SGIP1: variants seen among roughly 807,000 people sequenced by gnomAD.
The protein encoded by SGIP1 is SH3GL interacting endocytic adaptor 1.
SGIP1 carries 38 observed loss-of-function variants against 107.5 expected under a neutral mutation model. The observed-to-expected ratio is 0.35, with a 90% CI of 0.27 to 0.46. The LOEUF (loss-of-function observed/expected upper bound fraction) is 0.46. SGIP1 is among the 20% of genes least tolerant of loss of function. The probability of loss-of-function intolerance (pLI) is 1.00; values close to 1 mark genes in which losing one functional copy is unlikely to be tolerated. For missense variants in SGIP1, 929 were observed against 1,019.5 expected, an observed-to-expected ratio of 0.91 and a Z score of 1.21; for synonymous variants, 365 against 366.1, an observed-to-expected ratio of 1.00 and a Z score of 0.03.
intron 1 of SGIP1, among the ~76,000 whole-genome samples, chr1:66,541,549 C>A (rs916551983): frequency 6.6e-6 from 1 of 152,184 alleles, no homozygotes. Flanking sequence ...GATGTAAATG[C>A]CATGAAAGTG....
chr1:66,653,986 G>T (rs148342099), intron 7 of SGIP1, among the ~76,000 whole-genome samples: 160 of 152,268 alleles, frequency 1.1e-3, no homozygotes, highest in Non-Finnish European at 2.0e-3. Flanking sequence ...AACAAATCTT[G>T]CACCCAGAGC....
At chr1:66,607,489 A>G (rs1048264925) in intron 1 of SGIP1, among the ~76,000 whole-genome samples, 5 of 152,224 alleles carry the variant, frequency 3.3e-5, no homozygotes, top group African/African-American at 1.2e-4. Context: ...CTGGAAATTG[A>G]TGGCTGAAAG....
At chr1:66,703,874 CTGTGTG>C (rs535613429) in intron 18 of SGIP1, among the ~76,000 whole-genome samples, 2 of 142,058 alleles carry the variant, frequency 1.4e-5, no homozygotes, top group Non-Finnish European at 3.1e-5. Context: ...AAAAAGAACT[CTGTGTG>C]TGTGTGTGTG....
intron 5 of SGIP1, among the ~76,000 whole-genome samples, chr1:66,642,029 C>T (rs2076884363): frequency 6.6e-6 from 1 of 152,190 alleles, no homozygotes; most frequent in Non-Finnish European, 1.5e-5. Context: ...GTTTTTCTTT[C>T]TCCAGTTCTT....
chr1:66,687,261 A>G (rs538949424), intron 15 of SGIP1, among the ~76,000 whole-genome samples: 2 of 151,686 alleles, frequency 1.3e-5, no homozygotes, highest in Non-Finnish European at 2.9e-5. Flanking sequence ...CATGGTTTTC[A>G]CGAAGCTAAA....
In SGIP1 at chr1:66,746,416, A is replaced by G. The variant is rs1029267819; in HGVS notation, c.*3321A>G. 6.6e-6 allele frequency: 1 copy of G among 152,294 alleles called. No homozygotes were observed. The highest frequency in any genetic ancestry group is 1.9e-4 in the East Asian group (1 of 5,194). 9.4% of individuals were successfully genotyped at this position (152,294 alleles called of 1,614,324 possible). A position where few individuals can be genotyped will look rare whatever the true frequency, so the allele number is the denominator to read the frequency against. On this transcript the variant is annotated 3_prime_UTR_variant, in exon 25 of 25. Coordinates refer to ENST00000371037, the MANE Select transcript of SGIP1 (RefSeq NM_032291.4). ...CTCCCCAGAGCATGGTTTAAATACC[A>G]TAACAGTACACAATGATCTATCATG...
intron 1 of SGIP1, among the ~76,000 whole-genome samples, chr1:66,544,846 G>A (rs186613818): frequency 6.6e-6 from 1 of 152,244 alleles, no homozygotes; most frequent in Admixed American, 6.5e-5. Flanking sequence ...CTCTAAGCCC[G>A]ATTGTAGGTA....
At chr1:66,541,565 C>T (rs1359974286) in intron 1 of SGIP1, among the ~76,000 whole-genome samples, 2 of 152,200 alleles carry the variant, frequency 1.3e-5, no homozygotes, top group Admixed American at 6.5e-5. Context: ...AAGTGTCATT[C>T]CAGGATCAAA....
At chr1:66,584,021 A>T (rs1485092140) in intron 1 of SGIP1, among the ~76,000 whole-genome samples, 1 of 152,126 alleles carries the variant, frequency 6.6e-6, no homozygotes, top group Non-Finnish European at 1.5e-5. Context: ...TTTGAGGTAA[A>T]TTAGTAAGTA....
chr1:66,737,909 T>C (rs762992655), intron 21 of SGIP1, among the ~76,000 whole-genome samples: 6 of 152,156 alleles, frequency 3.9e-5, no homozygotes, highest in Non-Finnish European at 7.3e-5. Flanking sequence ...GTTTAGTTTC[T>C]GGCCCGATAG....
intron 1 of SGIP1, among the ~76,000 whole-genome samples, chr1:66,549,241 C>G (rs1253267652): frequency 6.8e-6 from 1 of 146,426 alleles, no homozygotes; most frequent in African/African-American, 2.5e-5. Flanking sequence ...CTTTTTTCTT[C>G]TTTTTTCCTT....
chr1:66,621,636 T>A (rs2071158283), intron 1 of SGIP1, among the ~76,000 whole-genome samples: 2 of 152,210 alleles, frequency 1.3e-5, no homozygotes, highest in African/African-American at 2.4e-5. Context: ...CAACCTCCAA[T>A]CTGCTTTCTG....
intron 18 of SGIP1, among the ~76,000 whole-genome samples, chr1:66,699,225 ATCATGG>A (rs1044645596): frequency 2.9e-4 from 44 of 152,154 alleles, no homozygotes; most frequent in African/African-American, 1.0e-3. Context: ...TGGATCGTTC[ATCATGG>A]GACTAGGAGG....
At chr1:66,708,270 A>AGCG (rs560105565) in intron 18 of SGIP1, among the ~76,000 whole-genome samples, 318 of 152,320 alleles carry the variant, frequency 2.1e-3, no homozygotes, top group African/African-American at 7.2e-3. Flanking sequence ...TGTTTAGCAC[A>AGCG]GCGGCCATCG....
rs115321878 is a variant in SGIP1, at chr1:66,634,979, C to T, written c.100-965C>T. 6.9e-3 allele frequency among the ~76,000 whole-genome samples: 1,050 copies of T among 152,340 alleles called. 18 individuals carry two copies. The highest frequency in any genetic ancestry group is 0.024 in the African/African-American group (980 of 41,578). On this transcript the variant is annotated intron_variant, in intron 3 of 24. Transcript: ENST00000371037. Reference sequence around the variant, plus strand: ...AGCCCTTGTTTCTATAGACCCAGTTCACTTTTGCTTGGCTGATATAGCTTT... The same window carrying T: ...AGCCCTTGTTTCTATAGACCCAGTTTACTTTTGCTTGGCTGATATAGCTTT...
At chr1:66,591,856 A>T (rs1401531372) in intron 1 of SGIP1, among the ~76,000 whole-genome samples, 1 of 152,194 alleles carries the variant, frequency 6.6e-6, no homozygotes, top group Non-Finnish European at 1.5e-5. Context: ...GTCATAAGTA[A>T]GTTTAAGGAA....
At chr1:66,641,871 C>T (rs186714376) in intron 5 of SGIP1, among the ~76,000 whole-genome samples, 259 of 152,232 alleles carry the variant, frequency 1.7e-3, no homozygotes, top group Non-Finnish European at 3.3e-3. Flanking sequence ...TTAACCTTCC[C>T]TCTGCTTTTT....
At chr1:66,740,845 G>A (rs531966457) in intron 23 of SGIP1, 123 bp downstream of exon 23, 14 of 655,318 alleles carry the variant, frequency 2.1e-5, no homozygotes, top group East Asian at 1.4e-4. Flanking sequence ...CCATTTTTGC[G>A]TTTACTTATT....
At chr1:66,607,178 A>G (rs1170190119) in intron 1 of SGIP1, among the ~76,000 whole-genome samples, 2 of 152,188 alleles carry the variant, frequency 1.3e-5, no homozygotes, top group African/African-American at 4.8e-5. Flanking sequence ...GCTTGAGTTT[A>G]TAGTACTCTT....
Sources: allele counts gnomAD v4.1 joint callset (sites outside exome capture counted in the v4.1 genomes callset), GRCh38; gene constraint gnomAD v4.1.1; transcripts MANE v1.5; gene names NCBI Gene and HGNC (gene_info 2026-07-23, HGNC 2026-07-21).